Variants in CBLN2 observed in about 807,000 individuals in gnomAD.
The protein encoded by CBLN2 is cerebellin 2 precursor, also known as cerebellin-2.
CBLN2 carries 7 observed loss-of-function variants against 15.0 expected under a neutral mutation model. That is an observed-to-expected ratio of 0.47 (90% CI 0.27 to 0.88). The LOEUF (loss-of-function observed/expected upper bound fraction) is 0.88. CBLN2 is among the 40% of genes least tolerant of loss of function. The pLI, the probability that CBLN2 is intolerant of heterozygous loss-of-function variation, is 0.14. For synonymous variants in CBLN2, 149 were observed against 135.2 expected, an observed-to-expected ratio of 1.10 and a Z score of -0.71; for missense variants, 242 against 304.5, an observed-to-expected ratio of 0.79 and a Z score of 1.53.
In CBLN2 at chr18:72,538,447, T is replaced by TA. The variant is rs1268766931; in HGVS notation, c.478-75dup. ...CACACACTGTTCTCTCCTTTGCCAA[T>TA]ATCCCCACTCCCACCCCCATCCTTC... On this transcript the variant is annotated intron_variant, in intron 4 of 4. Coordinates refer to ENST00000269503, the MANE Select transcript of CBLN2 (RefSeq NM_182511.4). The TA allele has an allele frequency of 7.2e-6, 11 of 1,531,438 alleles. No homozygotes were observed. The Admixed American group carries it at 1.5e-4, about 21-fold the overall frequency. The allele number at this position is 1,531,438 out of a possible 1,614,324, so 94.9% of individuals were successfully genotyped here. A position where few individuals can be genotyped will look rare whatever the true frequency, so the allele number is the denominator to read the frequency against.
At chr18:72,630,811 T>A (rs2069771127) in intron 1 of CBLN2, among the ~76,000 whole-genome samples, 1 of 152,180 alleles carries the variant, frequency 6.6e-6, no homozygotes. Context: ...CCAACATTCT[T>A]GCATTACAAA....
At chr18:72,632,360 A>G (rs2069782891) in intron 1 of CBLN2, among the ~76,000 whole-genome samples, 1 of 152,144 alleles carries the variant, frequency 6.6e-6, no homozygotes, top group South Asian at 2.1e-4. Context: ...TTAGTGATTT[A>G]AAAGTATTTT....
intron 1 of CBLN2, among the ~76,000 whole-genome samples, chr18:72,550,353 T>C (rs545609537): frequency 1.2e-4 from 19 of 152,320 alleles, no homozygotes; most frequent in African/African-American, 4.1e-4. Flanking sequence ...TCATTTCTCT[T>C]GAGCAAACTT....
rs139015861 is a variant in CBLN2 at position 72,581,276 on chromosome 18, T to A, written c.16-42504A>T. 6.9e-3 allele frequency among the ~76,000 whole-genome samples: 1,049 copies of A among 152,328 alleles called. 6 individuals carry two copies. The highest frequency in any genetic ancestry group is 0.011 in the Admixed American group (161 of 15,298). On this transcript the variant is annotated intron_variant, in intron 1 of 2. Coordinates refer to the CBLN2 transcript ENST00000581073. ...TTGAGGAATAAATTGCTTAGTCATA[T>A]GACATATGCATCTTAAAATTAATCA...
intron 1 of CBLN2, among the ~76,000 whole-genome samples, chr18:72,587,719 ACT>A (rs1169062914): frequency 1.3e-5 from 2 of 152,168 alleles, no homozygotes; most frequent in Non-Finnish European, 2.9e-5. Flanking sequence ...ACTGATAATA[ACT>A]CTGCAAGGAA....
intron 1 of CBLN2, among the ~76,000 whole-genome samples, chr18:72,601,798 G>A (rs1429055206): frequency 6.6e-6 from 1 of 152,118 alleles, no homozygotes; most frequent in Non-Finnish European, 1.5e-5. Context: ...GGGCTCCAGC[G>A]CTCACTGGTG....
chr18:72,636,788 G>T (rs960552652), intron 1 of CBLN2, among the ~76,000 whole-genome samples: 2 of 152,080 alleles, frequency 1.3e-5, no homozygotes, highest in African/African-American at 4.8e-5. Context: ...TTTCCACTTG[G>T]CATGGTTGTT....
intron 1 of CBLN2, among the ~76,000 whole-genome samples, chr18:72,609,032 G>C (rs1166158024): frequency 6.6e-6 from 1 of 152,126 alleles, no homozygotes; most frequent in East Asian, 1.9e-4. Flanking sequence ...GCTTTGACAT[G>C]GGTATTATTA....
At chr18:72,541,705 G>T in intron 3 of CBLN2, 99 bp downstream of exon 3, 1 of 894,288 alleles carries the variant, frequency 1.1e-6, no homozygotes, top group East Asian at 2.9e-5. Flanking sequence ...GACAGAGCCT[G>T]GGAACTCCAC....
intron 1 of CBLN2, among the ~76,000 whole-genome samples, chr18:72,574,397 C>T (rs2069351556): frequency 6.6e-6 from 1 of 152,138 alleles, no homozygotes; most frequent in South Asian, 2.1e-4. Context: ...ATGGTTTAGG[C>T]AACTGTTCTG....
chr18:72,578,212 CA>C (rs1484603885), intron 1 of CBLN2, among the ~76,000 whole-genome samples: 1 of 152,068 alleles, frequency 6.6e-6, no homozygotes, highest in African/African-American at 2.4e-5. Context: ...ATTTAATTAG[CA>C]AAGTTTTCAT....
intron 1 of CBLN2, among the ~76,000 whole-genome samples, chr18:72,581,335 T>G (rs1167863113): frequency 6.6e-6 from 1 of 152,214 alleles, no homozygotes; most frequent in Admixed American, 6.5e-5. Flanking sequence ...TTATAACAAT[T>G]TATATATCTA....
chr18:72,546,094 A>C (rs552512555), upstream of CBLN2, among the ~76,000 whole-genome samples: 2 of 152,356 alleles, frequency 1.3e-5, no homozygotes, highest in East Asian at 3.9e-4. Context: ...GCAAATTGAC[A>C]GAGAAGCAGA....
intron 1 of CBLN2, among the ~76,000 whole-genome samples, chr18:72,582,994 C>G (rs1398719178): frequency 6.6e-6 from 1 of 152,206 alleles, no homozygotes; most frequent in South Asian, 2.1e-4. Context: ...CTGAGGTTCA[C>G]TCTGTGAGAT....
chr18:72,609,823 T>C (rs2069609159), intron 1 of CBLN2, among the ~76,000 whole-genome samples: 1 of 152,202 alleles, frequency 6.6e-6, no homozygotes, highest in African/African-American at 2.4e-5. Flanking sequence ...TGGAAATCGT[T>C]GTCACTAGCT....
intron 1 of CBLN2, among the ~76,000 whole-genome samples, chr18:72,572,606 A>G (rs891264231): frequency 1.3e-5 from 2 of 152,008 alleles, no homozygotes; most frequent in Admixed American, 1.3e-4. Context: ...TTTTTTTGAG[A>G]TTGGGTCTCA....
intron 3 of CBLN2, chr18:72,539,678 TTTCAA>T (rs2069094294): frequency 3.3e-5 from 5 of 152,168 alleles, no homozygotes; most frequent in Admixed American, 3.3e-4. Context: ...ATAAGCAGAA[TTTCAA>T]GAGTGGCGGG....
chr18:72,582,240 T>A (rs1331198038), intron 1 of CBLN2, among the ~76,000 whole-genome samples: 2 of 152,228 alleles, frequency 1.3e-5, no homozygotes, highest in Admixed American at 1.3e-4. Flanking sequence ...TTTAGATATA[T>A]CTTGCCAAGT....
chr18:72,602,782 T>C (rs558745364), intron 1 of CBLN2, among the ~76,000 whole-genome samples: 51 of 152,270 alleles, frequency 3.3e-4, no homozygotes, highest in Non-Finnish European at 4.4e-4. Flanking sequence ...GAGTTTCCAG[T>C]CCAACAGTTC....
Sources: gnomAD v4.1 joint callset for allele counts (sites outside exome capture counted in the v4.1 genomes callset) on GRCh38, gnomAD v4.1.1 for gene constraint, MANE v1.5 for transcripts, NCBI Gene and HGNC (gene_info 2026-07-23, HGNC 2026-07-21) for gene names.